The following GGT1 variants were observed in gnomAD, a reference collection of about 807,000 sequenced individuals.
The protein encoded by GGT1 is glutathione hydrolase 1 proenzyme.
Under a neutral mutation model 56.0 loss-of-function variants are expected in GGT1, and 21 were observed. The observed-to-expected ratio is 0.38, with a 90% CI of 0.27 to 0.54. The LOEUF (loss-of-function observed/expected upper bound fraction) is 0.54, where lower values mean the gene tolerates loss of function less well. Ranked by LOEUF, GGT1 falls within the 20% of genes least tolerant of loss-of-function variation. The probability of loss-of-function intolerance (pLI) is 0.82; values close to 1 mark genes in which losing one functional copy is unlikely to be tolerated. For synonymous variants in GGT1, 238 were observed against 342.6 expected (o/e 0.69, Z 3.37); for missense variants, 466 against 787.0 (o/e 0.59, Z 4.88).
At chr22:24,612,560 G>A (rs1451572000) in intron 5 of GGT1, among the ~76,000 whole-genome samples, 3 of 149,200 alleles carry the variant, frequency 2.0e-5, no homozygotes, top group African/African-American at 5.0e-5. Context: ...GGAGTCTCAC[G>A]CTGTCTCCCA....
intron 2 of GGT1, 105 bp downstream of exon 2, chr22:24,608,128 G>A (rs147426597): frequency 1.0e-4 from 39 of 381,058 alleles, no homozygotes; most frequent in African/African-American, 3.9e-4. Context: ...CAGCTCTCAC[G>A]CTGTTTGGGT....
At chr22:24,596,200 C>G (rs2045689206) in intron 1 of GGT1, among the ~76,000 whole-genome samples, 1 of 152,168 alleles carries the variant, frequency 6.6e-6, no homozygotes, top group Non-Finnish European at 1.5e-5. Flanking sequence ...GGATGTGTAA[C>G]CATAGGCAGA....
intron 5 of GGT1, among the ~76,000 whole-genome samples, chr22:24,613,907 A>C (rs138911175): frequency 4.0e-5 from 6 of 151,544 alleles, no homozygotes; most frequent in Non-Finnish European, 8.8e-5. Flanking sequence ...AAAAATTGCC[A>C]GGTGTGGTGG....
chr22:24,589,285 G>A, the GGT1 span: 1 of 1,239,546 alleles, frequency 8.1e-7, no homozygotes. Context: ...GGAGGCTGCA[G>A]GTGGCAAACT....
At chr22:24,597,156 T>C (rs2045707941) in intron 1 of GGT1, among the ~76,000 whole-genome samples, 1 of 151,952 alleles carries the variant, frequency 6.6e-6, no homozygotes, top group African/African-American at 2.4e-5. Context: ...CTAATTTTTG[T>C]ATTTTTAGTA....
chr22:24,586,021 G>C, the GGT1 span: 4 of 1,611,140 alleles, frequency 2.5e-6, no homozygotes, highest in Admixed American at 5.0e-5. Flanking sequence ...TGGGGAGTGA[G>C]GTGCGCTGGC....
upstream of GGT1, among the ~76,000 whole-genome samples, chr22:24,598,668 C>T (rs966125653): frequency 2.6e-5 from 4 of 152,150 alleles, no homozygotes; most frequent in East Asian, 1.9e-4. Flanking sequence ...ATCCTCCCCC[C>T]TCAGCCTCCC....
chr22:24,600,951 G>T (rs1338845521), upstream of GGT1, among the ~76,000 whole-genome samples: 1 of 152,266 alleles, frequency 6.6e-6, no homozygotes, highest in Non-Finnish European at 1.5e-5. Flanking sequence ...GGGAAGGTAT[G>T]TAAGCCAACC....
At chr22:24,621,854 C>T (rs1354554701) in intron 9 of GGT1, among the ~76,000 whole-genome samples, 1 of 151,374 alleles carries the variant, frequency 6.6e-6, no homozygotes, top group Non-Finnish European at 1.5e-5. Flanking sequence ...AGTTCAAGAC[C>T]AGCCTGGCCA....
intron 11 of GGT1, among the ~76,000 whole-genome samples, chr22:24,625,329 A>G (rs2047679754): frequency 6.6e-6 from 1 of 152,164 alleles, no homozygotes; most frequent in Non-Finnish European, 1.5e-5. Context: ...GTTGGAGTGC[A>G]GTGGTGTGAT....
chr22:24,585,527 G>T, the GGT1 span: 1 of 290,956 alleles, frequency 3.4e-6, no homozygotes, highest in Admixed American at 4.9e-5. Context: ...GAAGGTCAGT[G>T]TGACCTTTGT....
chr22:24,616,942 C>T (rs2047111144), intron 7 of GGT1, among the ~76,000 whole-genome samples: 2 of 152,104 alleles, frequency 1.3e-5, no homozygotes, highest in Non-Finnish European at 2.9e-5. Flanking sequence ...GGCTTGGCAC[C>T]TTGTGGACTC....
At chr22:24,608,738 ACCTC>A (rs1203779200) in intron 2 of GGT1, among the ~76,000 whole-genome samples, 1 of 151,908 alleles carries the variant, frequency 6.6e-6, no homozygotes, top group Non-Finnish European at 1.5e-5. Context: ...CCTCACTGCA[ACCTC>A]CACCTCCTGG....
the GGT1 span, chr22:24,585,590 G>T: frequency 2.1e-6 from 1 of 468,450 alleles, no homozygotes; most frequent in East Asian, 3.7e-5. Flanking sequence ...CAGCAGCAGG[G>T]CTGTTGCTCA....
chr22:24,611,773 T>TG (rs763983592), intron 5 of GGT1, among the ~76,000 whole-genome samples: 2 of 130,910 alleles, frequency 1.5e-5, no homozygotes, highest in South Asian at 2.8e-4. Flanking sequence ...CCCAACAAAT[T>TG]TGTGTGTGTG....
At chr22:24,594,391 A>ATGTGTGTGTGTG (rs61535476), upstream of GGT1, among the ~76,000 whole-genome samples, 61 of 142,302 alleles carry the variant, frequency 4.3e-4, no homozygotes, top group East Asian at 7.1e-3. Context: ...ACCCGTGTGT[A>ATGTGTGTGTGTG]TGTGTGTGTG....
chr22:24,608,979 G>A (rs1056871211), intron 2 of GGT1: 7 of 152,192 alleles, frequency 4.6e-5, no homozygotes, highest in African/African-American at 1.7e-4. Context: ...AATGTTCTGT[G>A]TCCATAATAG....
chr22:24,592,737 A>T (rs1437099065), upstream of GGT1: 1 of 1,295,606 alleles, frequency 7.7e-7, no homozygotes, highest in Non-Finnish European at 9.9e-7. Flanking sequence ...CGCGCGCCAG[A>T]GACCAGCTCC....
chr22:24,606,260 T>C (rs546394434), intron 1 of GGT1, among the ~76,000 whole-genome samples: 2 of 150,592 alleles, frequency 1.3e-5, no homozygotes, highest in African/African-American at 4.9e-5. Context: ...TTACATTAGG[T>C]ATATCTCCTA....
Sources: allele counts gnomAD v4.1 joint callset (sites outside exome capture counted in the v4.1 genomes callset), GRCh38; gene constraint gnomAD v4.1.1; transcripts MANE v1.5; gene names NCBI Gene and HGNC (gene_info 2026-07-23, HGNC 2026-07-21).